IQCM: variants seen among roughly 807,000 people sequenced by gnomAD.
IQCM encodes IQ domain-containing protein M.
A neutral mutation model predicts 57.6 loss-of-function variants in IQCM; 45 were observed. The ratio of observed to expected loss-of-function variants is 0.78; its 90% CI spans 0.62 to 1.00. The LOEUF (loss-of-function observed/expected upper bound fraction) is 1.00, where lower values mean the gene tolerates loss of function less well. Among genes scored for constraint, IQCM ranks in the 50% least tolerant of loss-of-function variants. The pLI, the probability that IQCM is intolerant of heterozygous loss-of-function variation, is 0.00. For synonymous variants in IQCM, 148 were observed against 158.9 expected (o/e 0.93, Z 0.51); for missense variants, 468 against 511.6 (o/e 0.91, Z 0.82).
chr4:149,502,471 C>T (rs1743352678), intron 12 of IQCM, among the ~76,000 whole-genome samples: 2 of 151,988 alleles, frequency 1.3e-5, no homozygotes, highest in Admixed American at 1.3e-4. Flanking sequence ...AGTTTGAGAC[C>T]AGCCTGAGAA....
In IQCM at chr4:149,468,942, G is replaced by A. The variant is rs189097982; in HGVS notation, c.1229-35385C>T. On this transcript the variant is annotated intron_variant, in intron 12 of 13. Coordinates refer to ENST00000636793, the MANE Select transcript of IQCM (RefSeq NM_001363507.2). ...CTGTTAGAAGGAAAACTAACAAACA[G>A]AAAGGACATCCACACCAAAACCCAT... Among the ~76,000 whole-genome samples, 13 of 152,194 alleles carry A rather than the reference G, an allele frequency of 8.5e-5. 1 individual carries two copies. In the East Asian group the frequency reaches 2.3e-3, roughly 27 times the overall value.
intron 10 of IQCM, among the ~76,000 whole-genome samples, chr4:149,562,080 CA>C (rs1182203452): frequency 6.6e-6 from 1 of 152,156 alleles, no homozygotes; most frequent in Non-Finnish European, 1.5e-5. Flanking sequence ...TGAAGCTTAA[CA>C]AAAGGCAAGA....
chr4:149,460,717 T>C (rs1453156555), intron 12 of IQCM, among the ~76,000 whole-genome samples: 1 of 152,150 alleles, frequency 6.6e-6, no homozygotes, highest in Non-Finnish European at 1.5e-5. Flanking sequence ...TGATACAACG[T>C]ATGAATTTAC....
chr4:149,510,777 G>A (rs781271896), intron 12 of IQCM, among the ~76,000 whole-genome samples: 1 of 152,068 alleles, frequency 6.6e-6, no homozygotes, highest in Non-Finnish European at 1.5e-5. Context: ...TTAGACTGGG[G>A]TTATGTGTTT....
At chr4:149,678,331 A>C (rs1037572129) in intron 7 of IQCM, among the ~76,000 whole-genome samples, 2 of 151,928 alleles carry the variant, frequency 1.3e-5, no homozygotes, top group African/African-American at 4.8e-5. Context: ...CTGGCAACAG[A>C]CTTCTCAATG....
intron 2 of IQCM, among the ~76,000 whole-genome samples, chr4:149,759,736 A>G (rs1041515051): frequency 2.0e-5 from 3 of 152,138 alleles, no homozygotes; most frequent in African/African-American, 7.2e-5. Flanking sequence ...AACACAATAA[A>G]CCATACCTAT....
chr4:149,563,614 G>T, intron 10 of IQCM, 78 bp downstream of exon 10: 1 of 977,176 alleles, frequency 1.0e-6, no homozygotes, highest in Non-Finnish European at 1.3e-6. Flanking sequence ...ACATTGACCA[G>T]ATGACTATTC....
chr4:149,728,128 T>G (rs1766125369), intron 5 of IQCM, among the ~76,000 whole-genome samples: 2 of 152,224 alleles, frequency 1.3e-5, no homozygotes, highest in African/African-American at 4.8e-5. Context: ...TCCAGCTGAT[T>G]CTCAGAACTG....
intron 13 of IQCM, among the ~76,000 whole-genome samples, chr4:149,394,936 G>T (rs1050326119): frequency 2.6e-5 from 4 of 151,936 alleles, no homozygotes; most frequent in African/African-American, 9.7e-5. Context: ...CTGCCATGAG[G>T]TCATATCACT....
chr4:149,768,717 A>T (rs773653998), intron 2 of IQCM, among the ~76,000 whole-genome samples: 3 of 152,054 alleles, frequency 2.0e-5, no homozygotes, highest in Non-Finnish European at 4.4e-5. Context: ...GGAGCACTTA[A>T]ACAGAGACCA....
intron 12 of IQCM, among the ~76,000 whole-genome samples, chr4:149,481,723 G>GTTTTTTTTTGTTTTTTTTTTTT (rs1740903527): frequency 1.1e-4 from 1 of 9,346 alleles, no homozygotes; most frequent in African/African-American, 3.2e-4. Context: ...TTTTTTTTTT[G>GTTTTTTTTTGTTTTTTTTTTTT]CTTTTTGCTT....
intron 12 of IQCM, among the ~76,000 whole-genome samples, chr4:149,457,221 T>C (rs531723114): frequency 6.6e-6 from 1 of 152,230 alleles, no homozygotes; most frequent in East Asian, 1.9e-4. Context: ...TTCTCTGCTT[T>C]GGGATTACAT....
intron 7 of IQCM, among the ~76,000 whole-genome samples, chr4:149,681,656 C>T (rs1324889491): frequency 6.6e-6 from 1 of 151,130 alleles, no homozygotes; most frequent in Admixed American, 6.6e-5. Flanking sequence ...GCCTGAAGCT[C>T]ATGAGGAACA....
chr4:149,516,766 A>C (rs1364144723), intron 12 of IQCM, among the ~76,000 whole-genome samples: 2 of 151,898 alleles, frequency 1.3e-5, no homozygotes, highest in Non-Finnish European at 2.9e-5. Context: ...GCTTGCCTAG[A>C]AGTCTTAGTT....
At position 149,805,699 on chromosome 4, in the gene IQCM, G is replaced by T. The variant is rs142608578; in HGVS notation, c.-49+9612C>A. On this transcript the variant is annotated intron_variant, in intron 2 of 13. Coordinates refer to ENST00000636793, the MANE Select transcript of IQCM (RefSeq NM_001363507.2). ...GGCTCCATTAGCATAAAAAGAATTT[G>T]CAAATGGTTAAATATTTCCAATTTC... Among the ~76,000 whole-genome samples, 12 of 152,048 alleles carry T rather than the reference G, an allele frequency of 7.9e-5. No individual in the cohort carries two copies. In the East Asian group the frequency reaches 2.1e-3, roughly 27 times the overall value.
rs546830724 is a variant in IQCM at position 149,497,748 on chromosome 4, A to T, written c.1228+50707T>A. On this transcript the variant is annotated intron_variant, in intron 12 of 13. Transcript: ENST00000636793. Reference sequence around the variant, plus strand: ...TAATGTTGAAATTGTATTTCACTTTAAAAAAAAAAAAAAAGGAAGAAAAAA... The same window carrying T: ...TAATGTTGAAATTGTATTTCACTTTTAAAAAAAAAAAAAAGGAAGAAAAAA... 7.4e-3 allele frequency among the ~76,000 whole-genome samples: 993 copies of T among 133,596 alleles called. 22 individuals carry two copies. The highest frequency in any genetic ancestry group is 9.1e-3 in the Non-Finnish European group (547 of 59,830). The allele number at this position is 133,596 out of a possible 152,430, so 87.6% of individuals were successfully genotyped here.
intron 12 of IQCM, among the ~76,000 whole-genome samples, chr4:149,479,247 G>T (rs886759772): frequency 6.6e-6 from 1 of 152,094 alleles, no homozygotes; most frequent in Non-Finnish European, 1.5e-5. Context: ...ATGATGAACC[G>T]TTTATTTTCA....
At chr4:149,581,738 G>A (rs1305151221) in intron 9 of IQCM, among the ~76,000 whole-genome samples, 1 of 151,542 alleles carries the variant, frequency 6.6e-6, no homozygotes, top group African/African-American at 2.4e-5. Context: ...TTTTTCCTGA[G>A]CATATTTTAA....
intron 9 of IQCM, among the ~76,000 whole-genome samples, chr4:149,576,695 G>T (rs1751693094): frequency 6.6e-6 from 1 of 151,870 alleles, no homozygotes; most frequent in Non-Finnish European, 1.5e-5. Context: ...GAATAGCATT[G>T]CCATGAACAT....
Sources: gnomAD v4.1 joint callset for allele counts (sites outside exome capture counted in the v4.1 genomes callset) on GRCh38, gnomAD v4.1.1 for gene constraint, MANE v1.5 for transcripts, NCBI Gene and HGNC (gene_info 2026-07-23, HGNC 2026-07-21) for gene names.